Variants in ATP9B observed in about 807,000 individuals in gnomAD.
ATP9B encodes the protein probable phospholipid-transporting ATPase IIB.
In ATP9B, 110 loss-of-function variants were observed where a neutral mutation model predicts 146.1. The observed-to-expected ratio is 0.75, with a 90% CI of 0.65 to 0.88. ATP9B has a LOEUF of 0.88. Among genes scored for constraint, ATP9B ranks in the 40% least tolerant of loss-of-function variants. The pLI, the probability that ATP9B is intolerant of heterozygous loss-of-function variation, is 0.00. For synonymous variants in ATP9B, 604 were observed against 569.7 expected, an observed-to-expected ratio of 1.06 and a Z score of -0.86; for missense variants, 1,499 against 1,496.4, an observed-to-expected ratio of 1.00 and a Z score of -0.03.
At chr18:79,319,180 G>T (rs774693236) in intron 15 of ATP9B, among the ~76,000 whole-genome samples, 7 of 152,210 alleles carry the variant, frequency 4.6e-5, no homozygotes, top group Non-Finnish European at 1.0e-4. Context: ...AGGCAAGTTG[G>T]AGACCCATGT....
intron 13 of ATP9B, among the ~76,000 whole-genome samples, chr18:79,286,380 A>G (rs1433781873): frequency 2.0e-5 from 3 of 151,034 alleles, no homozygotes; most frequent in Admixed American, 1.3e-4. Flanking sequence ...CTTTGAAGCA[A>G]TTGTGAATGG....
intron 26 of ATP9B, among the ~76,000 whole-genome samples, chr18:79,371,612 G>A (rs570219393): frequency 9.8e-5 from 15 of 152,306 alleles, no homozygotes; most frequent in African/African-American, 3.6e-4. Context: ...GAATATAGCC[G>A]CATTTCCAGC....
intron 11 of ATP9B, among the ~76,000 whole-genome samples, chr18:79,250,965 A>ATAAAC (rs1317889301): frequency 6.6e-6 from 1 of 152,220 alleles, no homozygotes; most frequent in African/African-American, 2.4e-5. Flanking sequence ...TCTTGGGAGA[A>ATAAAC]TATAGAGCTG....
chr18:79,349,905 C>A (rs920503289), intron 25 of ATP9B, among the ~76,000 whole-genome samples: 73 of 120,684 alleles, frequency 6.0e-4, no homozygotes, highest in South Asian at 1.1e-3. Context: ...CCCCCCCCCC[C>A]ACCATGCACC....
At chr18:79,336,954 G>A (rs2096830538) in intron 18 of ATP9B, among the ~76,000 whole-genome samples, 2 of 152,132 alleles carry the variant, frequency 1.3e-5, no homozygotes, top group South Asian at 4.1e-4. Flanking sequence ...AATTGTGCTT[G>A]ATAACTCCTC....
intron 26 of ATP9B, among the ~76,000 whole-genome samples, chr18:79,368,972 G>A (rs1210672532): frequency 4.2e-5 from 6 of 141,590 alleles, no homozygotes; most frequent in Non-Finnish European, 3.2e-5. Flanking sequence ...CGGCGCCACC[G>A]TGAGCACCGT....
chr18:79,359,532 A>C, intron 26 of ATP9B, 70 bp downstream of exon 26: 3 of 1,218,444 alleles, frequency 2.5e-6, no homozygotes, highest in Non-Finnish European at 3.6e-6. Flanking sequence ...CGAGTGAGAA[A>C]CAGGCCAGTC....
chr18:79,234,668 C>CCTGTGGGTGTGCTGCTGTGGGTGTGCTG (rs779782126), intron 11 of ATP9B, among the ~76,000 whole-genome samples: 1 of 145,320 alleles, frequency 6.9e-6, no homozygotes, highest in Admixed American at 6.8e-5. Context: ...TGGGTGTGCT[C>CCTGTGGGTGTGCTGCTGTGGGTGTGCTG]CTGTGGGTGT....
intron 6 of ATP9B, among the ~76,000 whole-genome samples, chr18:79,144,517 C>G (rs1418251249): frequency 6.6e-6 from 1 of 152,144 alleles, no homozygotes; most frequent in Non-Finnish European, 1.5e-5. Context: ...AGGGCTCTTG[C>G]TCCTGTGAGA....
intron 12 of ATP9B, among the ~76,000 whole-genome samples, chr18:79,255,679 C>T (rs576743045): frequency 1.8e-4 from 27 of 152,240 alleles, no homozygotes; most frequent in Admixed American, 4.6e-4. Flanking sequence ...CCCCTCCTGA[C>T]ACTGCAGCCT....
intron 6 of ATP9B, among the ~76,000 whole-genome samples, chr18:79,154,252 G>T (rs1007967947): frequency 3.9e-5 from 6 of 152,002 alleles, no homozygotes; most frequent in African/African-American, 1.2e-4. Flanking sequence ...TGAGCCACCG[G>T]ACATGAAGCA....
At chr18:79,197,375 T>A (rs986283049) in intron 9 of ATP9B, among the ~76,000 whole-genome samples, 1 of 151,398 alleles carries the variant, frequency 6.6e-6, no homozygotes. Flanking sequence ...AAAATAAAAA[T>A]GAAAATTAAT....
At chr18:79,345,705 T>G in intron 22 of ATP9B, 70 bp from the exon 23 acceptor site, 1 of 1,606,990 alleles carries the variant, frequency 6.2e-7, no homozygotes, top group Non-Finnish European at 8.5e-7. Flanking sequence ...TGAAATAGCT[T>G]CTGATGGTAA....
At chr18:79,126,581 G>T (rs997864824) in intron 5 of ATP9B, among the ~76,000 whole-genome samples, 1 of 152,156 alleles carries the variant, frequency 6.6e-6, no homozygotes, top group South Asian at 2.1e-4. Context: ...TTGGATGTAT[G>T]TTGTGTACAC....
At chr18:79,200,650 A>G (rs1349982078) in intron 9 of ATP9B, among the ~76,000 whole-genome samples, 6 of 1,456 alleles carry the variant, frequency 4.1e-3, no homozygotes, top group African/African-American at 0.033. Flanking sequence ...AAATTGCCAA[A>G]TATCAGATAA....
At chr18:79,200,361 G>A (rs1343132637) in intron 9 of ATP9B, among the ~76,000 whole-genome samples, 22 of 152,202 alleles carry the variant, frequency 1.4e-4, no homozygotes, top group Non-Finnish European at 3.2e-4. Flanking sequence ...ATGATAGTTG[G>A]AGATTTTAAT....
Position 79,298,795 on chromosome 18 carries a change from G to A in ATP9B, c.1412-4809G>A, listed in dbSNP as rs1482443672. ...ATATGGGAACAGAACATCAGTATGA[G>A]GAAAGATGTTCCTCCTTCTCAGGAG... is the stretch of plus-strand genomic sequence containing the variant. On this transcript the variant is annotated intron_variant, in intron 13 of 29. Coordinates refer to ENST00000426216, the MANE Select transcript of ATP9B (RefSeq NM_198531.5). 2.1e-5 allele frequency among the ~76,000 whole-genome samples: 3 copies of A among 146,208 alleles called. 1 individual carries two copies. The highest frequency in any genetic ancestry group is 7.6e-5 in the African/African-American group (3 of 39,720).
chr18:79,345,313 T>G, intron 21 of ATP9B, 115 bp from the exon 22 acceptor site: 27 of 1,206,620 alleles, frequency 2.2e-5, no homozygotes, highest in Middle Eastern at 2.0e-4. Flanking sequence ...CTGAAAAGAT[T>G]GAGAACTGTG....
intron 13 of ATP9B, among the ~76,000 whole-genome samples, chr18:79,294,489 G>A (rs1229782487): frequency 1.3e-5 from 2 of 152,226 alleles, no homozygotes; most frequent in Non-Finnish European, 2.9e-5. Context: ...ACGGCCAGTG[G>A]CCAAGTACAG....
Sources: allele counts gnomAD v4.1 joint callset (sites outside exome capture counted in the v4.1 genomes callset), GRCh38; gene constraint gnomAD v4.1.1; transcripts MANE v1.5; gene names NCBI Gene and HGNC (gene_info 2026-07-23, HGNC 2026-07-21).